The following ZSCAN5A variants were observed in gnomAD, a reference collection of about 807,000 sequenced individuals.
The protein encoded by ZSCAN5A is zinc finger and SCAN domain-containing protein 5A.
In ZSCAN5A, 12 loss-of-function variants were observed where a neutral mutation model predicts 23.7. The observed-to-expected ratio is 0.51, with a 90% CI of 0.32 to 0.82. The LOEUF is 0.82. Ranked by LOEUF, ZSCAN5A falls within the 40% of genes least tolerant of loss-of-function variation. The pLI is 0.03. For synonymous variants in ZSCAN5A, 257 were observed against 239.9 expected (o/e 1.07, Z -0.66); for missense variants, 597 against 617.9 (o/e 0.97, Z 0.36).
chr19:56,276,177 G>A (rs1303811650), intron 2 of ZSCAN5A, among the ~76,000 whole-genome samples: 1 of 152,166 alleles, frequency 6.6e-6, no homozygotes, highest in Non-Finnish European at 1.5e-5. Flanking sequence ...TTTCGATCTT[G>A]CAACCTCTCT....
At chr19:56,234,909 G>A (rs189772849) in intron 2 of ZSCAN5A, among the ~76,000 whole-genome samples, 2 of 152,318 alleles carry the variant, frequency 1.3e-5, no homozygotes, top group African/African-American at 2.4e-5. Context: ...TCTGTGGCTC[G>A]TCCTACTACA....
chr19:56,279,511 A>T (rs1172302110), intron 2 of ZSCAN5A, among the ~76,000 whole-genome samples: 1 of 152,240 alleles, frequency 6.6e-6, no homozygotes, highest in East Asian at 1.9e-4. Context: ...AGCATTTAGC[A>T]TGTACTGAGA....
intron 2 of ZSCAN5A, among the ~76,000 whole-genome samples, chr19:56,329,256 C>T (rs1157223074): frequency 1.3e-5 from 2 of 151,078 alleles, no homozygotes; most frequent in Non-Finnish European, 2.9e-5. Context: ...GGCTGAGGCA[C>T]GAGAATCAGT....
chr19:56,281,769 AAGAG>A, intron 2 of ZSCAN5A: 1 of 925,412 alleles, frequency 1.1e-6, no homozygotes, highest in Non-Finnish European at 1.3e-6. Flanking sequence ...AAGGGAATGA[AAGAG>A]AGAGGCAAAA....
chr19:56,304,431 A>C (rs2040550009), intron 2 of ZSCAN5A, among the ~76,000 whole-genome samples: 1 of 152,374 alleles, frequency 6.6e-6, no homozygotes, highest in Admixed American at 6.5e-5. Flanking sequence ...ACTGGCATCC[A>C]GTGGGCAGAG....
At chr19:56,246,426 G>A (rs575716789) in intron 2 of ZSCAN5A, 58 of 563,346 alleles carry the variant, frequency 1.0e-4, no homozygotes, top group African/African-American at 6.9e-4. Flanking sequence ...AAGAAAACAC[G>A]GGACTTACAT....
chr19:56,342,409 G>T (rs1203140728), intron 2 of ZSCAN5A: 2 of 293,510 alleles, frequency 6.8e-6, no homozygotes, highest in Non-Finnish European at 1.4e-5. Context: ...TTTAGTAAAA[G>T]AAAACTACCA....
intron 2 of ZSCAN5A, among the ~76,000 whole-genome samples, chr19:56,255,065 C>A (rs753820768): frequency 7.9e-5 from 12 of 151,566 alleles, no homozygotes; most frequent in Non-Finnish European, 1.6e-4. Context: ...TATATATTTT[C>A]TTATTACAAT....
rs950604160 is a variant in ZSCAN5A, at chr19:56,240,870, C to T, written c.-127-15697G>A. Among the ~76,000 whole-genome samples, 22 of 152,116 alleles carry T rather than the reference C, an allele frequency of 1.4e-4. No homozygotes were observed. The East Asian group carries it at 1.7e-3, about 12-fold the overall frequency. ...ACAGGCACCTACCTGCCAACAGGCC[C>T]GGCTACATTTTATTTTTTTGTAGAG... is the stretch of plus-strand genomic sequence containing the variant. On this transcript the variant is annotated intron_variant, in intron 2 of 5. Transcript: ENST00000683990.
At chr19:56,258,190 G>T (rs114837716) in intron 2 of ZSCAN5A, among the ~76,000 whole-genome samples, 14 of 152,256 alleles carry the variant, frequency 9.2e-5, no homozygotes, top group African/African-American at 2.7e-4. Flanking sequence ...CCCGCCTCTT[G>T]GTGCTATAAC....
At chr19:56,274,033 A>G (rs999661740) in intron 2 of ZSCAN5A, among the ~76,000 whole-genome samples, 1 of 152,220 alleles carries the variant, frequency 6.6e-6, no homozygotes, top group Non-Finnish European at 1.5e-5. Flanking sequence ...CTGAGGAAAC[A>G]GCTCACAGGA....
chr19:56,247,848 T>A (rs10405941), intron 2 of ZSCAN5A, among the ~76,000 whole-genome samples: 4 of 151,984 alleles, frequency 2.6e-5, no homozygotes, highest in Non-Finnish European at 5.9e-5. Context: ...CCTGCCACCA[T>A]GCCCGGCTAA....
At chr19:56,222,835 T>C in intron 4 of ZSCAN5A, 94 bp from the exon 5 acceptor site, 2 of 1,561,300 alleles carry the variant, frequency 1.3e-6, no homozygotes, top group Non-Finnish European at 1.8e-6. Flanking sequence ...CAACAACTCT[T>C]CTAATGACAC....
At chr19:56,331,430 C>G (rs1383873753) in intron 2 of ZSCAN5A, among the ~76,000 whole-genome samples, 1 of 151,344 alleles carries the variant, frequency 6.6e-6, no homozygotes, top group East Asian at 1.9e-4. Context: ...AATTAATGAA[C>G]ATGGAATGCT....
At chr19:56,323,263 A>G (rs893087336) in intron 2 of ZSCAN5A, among the ~76,000 whole-genome samples, 3 of 151,836 alleles carry the variant, frequency 2.0e-5, no homozygotes, top group Non-Finnish European at 2.9e-5. Flanking sequence ...TGGCACAATC[A>G]CAGCTCACTG....
At chr19:56,309,393 C>T (rs1020163105) in intron 2 of ZSCAN5A, among the ~76,000 whole-genome samples, 2 of 152,070 alleles carry the variant, frequency 1.3e-5, no homozygotes, top group Admixed American at 6.5e-5. Flanking sequence ...CACAACATGG[C>T]GAATGTAATG....
At chr19:56,316,999 G>C (rs1241279348), upstream of ZSCAN5A, among the ~76,000 whole-genome samples, 3 of 152,168 alleles carry the variant, frequency 2.0e-5, no homozygotes, top group African/African-American at 7.2e-5. Context: ...ACCACCTGCA[G>C]CTAATTTCTG....
chr19:56,239,296 G>A (rs985431909), intron 2 of ZSCAN5A, among the ~76,000 whole-genome samples: 6 of 152,204 alleles, frequency 3.9e-5, no homozygotes, highest in Non-Finnish European at 8.8e-5. Context: ...CAATTTGAAT[G>A]GATTTGTGAA....
chr19:56,229,684 C>A (rs975361057), intron 2 of ZSCAN5A, among the ~76,000 whole-genome samples: 1 of 152,180 alleles, frequency 6.6e-6, no homozygotes, highest in African/African-American at 2.4e-5. Context: ...ATCGAATCTG[C>A]TGATGTCTAT....
Sources: gnomAD v4.1 joint callset for allele counts (sites outside exome capture counted in the v4.1 genomes callset) on GRCh38, gnomAD v4.1.1 for gene constraint, MANE v1.5 for transcripts, NCBI Gene and HGNC (gene_info 2026-07-23, HGNC 2026-07-21) for gene names.